SRBD1: variants seen among roughly 807,000 people sequenced by gnomAD.
SRBD1 encodes the protein S1 RNA binding domain 1.
A neutral mutation model predicts 115.3 loss-of-function variants in SRBD1; 88 were observed. The ratio of observed to expected loss-of-function variants is 0.76; its 90% CI spans 0.64 to 0.91. The LOEUF (loss-of-function observed/expected upper bound fraction) is 0.91. SRBD1 is among the 40% of genes least tolerant of loss of function. SRBD1 has a pLI of 0.00. For missense variants in SRBD1, 1,385 were observed against 1,177.4 expected (o/e 1.18, Z -2.58); for synonymous variants, 509 against 407.7 (o/e 1.25, Z -2.99).
chr2:45,566,071 G>A (rs1672819475), intron 9 of SRBD1, among the ~76,000 whole-genome samples: 1 of 152,218 alleles, frequency 6.6e-6, no homozygotes, highest in Non-Finnish European at 1.5e-5. Context: ...TAAATGTTGG[G>A]AGGGATGTAG....
chr2:45,435,192 G>C (rs1344438293), intron 16 of SRBD1, among the ~76,000 whole-genome samples: 1 of 152,004 alleles, frequency 6.6e-6, no homozygotes, highest in Non-Finnish European at 1.5e-5. Context: ...ATCTGGGTTG[G>C]TTCCAAGTCT....
intron 14 of SRBD1, among the ~76,000 whole-genome samples, chr2:45,515,308 A>G (rs1221370467): frequency 6.6e-6 from 1 of 152,138 alleles, no homozygotes; most frequent in Non-Finnish European, 1.5e-5. Context: ...TGAAGAAACG[A>G]AGGTAGAGAG....
chr2:45,483,683 A>T (rs1670032398), intron 15 of SRBD1, among the ~76,000 whole-genome samples: 1 of 152,094 alleles, frequency 6.6e-6, no homozygotes, highest in Non-Finnish European at 1.5e-5. Flanking sequence ...TCCAATATTC[A>T]TCTCATTTTA....
intron 4 of SRBD1, among the ~76,000 whole-genome samples, chr2:45,596,777 G>A (rs1009950296): frequency 2.6e-5 from 4 of 152,032 alleles, no homozygotes; most frequent in Admixed American, 6.5e-5. Context: ...AACACCTTAA[G>A]GTATTATGGT....
chr2:45,591,994 C>T (rs1219462656), intron 4 of SRBD1, among the ~76,000 whole-genome samples: 1 of 152,072 alleles, frequency 6.6e-6, no homozygotes, highest in Non-Finnish European at 1.5e-5. Context: ...GTAGGAGGGA[C>T]CCAGGGGGAG....
chr2:45,475,932 C>A (rs1669791426), intron 16 of SRBD1, among the ~76,000 whole-genome samples: 1 of 152,184 alleles, frequency 6.6e-6, no homozygotes. Context: ...CTCTTGACCT[C>A]AAGTGATCCA....
At chr2:45,441,391 A>G (rs151293970) in intron 16 of SRBD1, among the ~76,000 whole-genome samples, 212 of 152,268 alleles carry the variant, frequency 1.4e-3, no homozygotes, top group African/African-American at 4.9e-3. Context: ...ATTTATTATC[A>G]CCTGATGCAC....
At chr2:45,527,831 A>G (rs1327336863) in intron 14 of SRBD1, among the ~76,000 whole-genome samples, 1 of 151,878 alleles carries the variant, frequency 6.6e-6, no homozygotes, top group Non-Finnish European at 1.5e-5. Context: ...AAAAGGGTAG[A>G]AAACTTCCAC....
intron 16 of SRBD1, among the ~76,000 whole-genome samples, chr2:45,444,067 C>T (rs1347859475): frequency 6.6e-6 from 1 of 152,014 alleles, no homozygotes; most frequent in African/African-American, 2.4e-5. Flanking sequence ...TTCAACAGCT[C>T]TACATAAGAA....
In SRBD1 at chr2:45,517,684, T is replaced by C. The variant is rs146317727; in HGVS notation, c.1874+29048A>G. Among the ~76,000 whole-genome samples the C allele has an allele frequency of 3.9e-5, 6 of 152,306 alleles. No individual in the cohort carries two copies. In the East Asian group the frequency reaches 5.8e-4, roughly 15 times the overall value. ...TTTTTCTATGTACAAGAGTAACTTA[T>C]GATAACAATTTATGTCTAGATAATT... On this transcript the variant is annotated intron_variant, in intron 14 of 20. Coordinates refer to ENST00000263736, the MANE Select transcript of SRBD1 (RefSeq NM_018079.5).
rs150715052 is a variant in SRBD1 at position 45,469,524 on chromosome 2, T to C, written c.2049+7469A>G. On this transcript the variant is annotated intron_variant, in intron 16 of 20. Coordinates refer to ENST00000263736, the MANE Select transcript of SRBD1 (RefSeq NM_018079.5). ...TATCATTTCACATTTCTTTTAAAGA[T>C]AAGTAATGGTGTTACACTAGGTTAT... Among the ~76,000 whole-genome samples, 319 of 152,320 alleles carry C rather than the reference T, an allele frequency of 2.1e-3. 2 individuals are homozygous for C. The highest frequency in any genetic ancestry group is 7.5e-3 in the African/African-American group (311 of 41,584).
chr2:45,545,079 G>C (rs1257563857), intron 14 of SRBD1, among the ~76,000 whole-genome samples: 1 of 151,890 alleles, frequency 6.6e-6, no homozygotes, highest in Non-Finnish European at 1.5e-5. Flanking sequence ...AAGAGATCAA[G>C]ATCATCCTGG....
chr2:45,507,991 G>C (rs1182475346), intron 14 of SRBD1, among the ~76,000 whole-genome samples: 1 of 152,080 alleles, frequency 6.6e-6, no homozygotes, highest in Non-Finnish European at 1.5e-5. Flanking sequence ...TAAAAGGAAT[G>C]ACATTTCTCC....
chr2:45,481,395 G>A (rs1473232380), intron 15 of SRBD1, among the ~76,000 whole-genome samples: 1 of 152,034 alleles, frequency 6.6e-6, no homozygotes, highest in Non-Finnish European at 1.5e-5. Context: ...AGGTAGCTCA[G>A]GAAAAGGGAG....
chr2:45,546,135 G>C (rs72616999), intron 14 of SRBD1: 38,675 of 983,000 alleles, frequency 0.039, 984 homozygotes, highest in East Asian at 0.14. Context: ...AGAGGAAGTA[G>C]GGAAACAATG....
In SRBD1 at chr2:45,559,178, A is replaced by AT. The variant is rs1439081949; in HGVS notation, c.1409+3474dup. The stretch of plus-strand genomic sequence containing the variant: ...ATCTCTTGTGCCATATCTACTCTTG[A>AT]TTCCTTCCAAATAATTATCTACACT... On this transcript the variant is annotated intron_variant, in intron 10 of 20. Coordinates refer to ENST00000263736, the MANE Select transcript of SRBD1 (RefSeq NM_018079.5). Among the ~76,000 whole-genome samples, 3 of 152,066 alleles carry AT rather than the reference A, an allele frequency of 2.0e-5. 1 individual carries two copies. Among genetic ancestry groups the AT allele is most frequent in the Admixed American group, 1.3e-4 (2 of 15,280 alleles).
chr2:45,498,949 A>G (rs1670544792), intron 14 of SRBD1, among the ~76,000 whole-genome samples: 1 of 152,238 alleles, frequency 6.6e-6, no homozygotes, highest in Non-Finnish European at 1.5e-5. Flanking sequence ...TAGTGTTGCA[A>G]TAAACATGGG....
At chr2:45,478,210 T>C (rs963321092) in intron 15 of SRBD1, among the ~76,000 whole-genome samples, 1 of 152,108 alleles carries the variant, frequency 6.6e-6, no homozygotes, top group Non-Finnish European at 1.5e-5. Context: ...ATTCATTAAG[T>C]GAAAATATTA....
chr2:45,478,326 T>C (rs1455887574), intron 15 of SRBD1, among the ~76,000 whole-genome samples: 1 of 152,222 alleles, frequency 6.6e-6, no homozygotes, highest in Non-Finnish European at 1.5e-5. Context: ...AGTCGCTGAT[T>C]TGTACCACTT....
Sources: gnomAD v4.1 joint callset for allele counts (sites outside exome capture counted in the v4.1 genomes callset) on GRCh38, gnomAD v4.1.1 for gene constraint, MANE v1.5 for transcripts, NCBI Gene and HGNC (gene_info 2026-07-23, HGNC 2026-07-21) for gene names.